Variants in CACNG2 observed in about 807,000 individuals in gnomAD.
CACNG2 encodes voltage-dependent calcium channel gamma-2 subunit.
Under a neutral mutation model 25.9 loss-of-function variants are expected in CACNG2, and 3 were observed. The ratio of observed to expected loss-of-function variants is 0.12; its 90% CI spans 0.05 to 0.30. The LOEUF is 0.30. CACNG2 is among the 10% of genes least tolerant of loss of function. The pLI, the probability that CACNG2 is intolerant of heterozygous loss-of-function variation, is 1.00. For missense variants in CACNG2, 341 were observed against 432.5 expected, an observed-to-expected ratio of 0.79 and a Z score of 1.88; for synonymous variants, 167 against 173.3, an observed-to-expected ratio of 0.96 and a Z score of 0.29.
At chr22:36,685,121 G>T (rs1937178364) in intron 1 of CACNG2, among the ~76,000 whole-genome samples, 1 of 152,190 alleles carries the variant, frequency 6.6e-6, no homozygotes, top group Non-Finnish European at 1.5e-5. Context: ...GTTTCTCTGT[G>T]TTCTCTGTGT....
intron 1 of CACNG2, among the ~76,000 whole-genome samples, chr22:36,690,399 A>G (rs529811133): frequency 6.6e-6 from 1 of 152,256 alleles, no homozygotes; most frequent in Non-Finnish European, 1.5e-5. Context: ...TTTTTATGGG[A>G]AAGTTTTCAA....
At chr22:36,647,951 A>G (rs913381164) in intron 1 of CACNG2, among the ~76,000 whole-genome samples, 2 of 152,066 alleles carry the variant, frequency 1.3e-5, no homozygotes, top group Admixed American at 6.5e-5. Context: ...CTTTCTCTCT[A>G]CTCTTTCCTC....
chr22:36,662,048 C>T (rs1277157178), intron 1 of CACNG2, among the ~76,000 whole-genome samples: 2 of 131,512 alleles, frequency 1.5e-5, no homozygotes, highest in African/African-American at 2.7e-5. Context: ...GGCATGATCT[C>T]AGCTCACTGC....
At chr22:36,694,947 G>A (rs988055498) in intron 1 of CACNG2, among the ~76,000 whole-genome samples, 1 of 152,154 alleles carries the variant, frequency 6.6e-6, no homozygotes, top group Non-Finnish European at 1.5e-5. Context: ...CAGGCACAGA[G>A]GCTCACTCCT....
At chr22:36,653,436 G>A (rs1350448484) in intron 1 of CACNG2, among the ~76,000 whole-genome samples, 2 of 152,326 alleles carry the variant, frequency 1.3e-5, no homozygotes, top group African/African-American at 4.8e-5. Context: ...ACGATTTAGC[G>A]ACCTTAGTTC....
rs751653088 is a variant in CACNG2 at position 36,652,961 on chromosome 22, G to A, written c.211+49405C>T. On this transcript the variant is annotated intron_variant, in intron 1 of 3. Coordinates refer to ENST00000300105, the MANE Select transcript of CACNG2 (RefSeq NM_006078.5). ...ACAGTCCCCATGCTGGAGTCCCCCC[G>A]GGCTGTAGGCAAAGACAGAGATGTG... Among the ~76,000 whole-genome samples the A allele has an allele frequency of 5.3e-5, 8 of 152,084 alleles. No homozygotes were observed. In the East Asian group the frequency reaches 7.7e-4, roughly 15 times the overall value.
At chr22:36,666,961 C>G (rs1477787322) in intron 1 of CACNG2, among the ~76,000 whole-genome samples, 2 of 152,118 alleles carry the variant, frequency 1.3e-5, no homozygotes, top group East Asian at 3.9e-4. Context: ...CCCGCCACCC[C>G]ACTTGACTCA....
At chr22:36,679,230 C>CTTTATTT (rs1569049913) in intron 1 of CACNG2, among the ~76,000 whole-genome samples, 3 of 135,120 alleles carry the variant, frequency 2.2e-5, no homozygotes, top group African/African-American at 8.8e-5. Context: ...TTCTTTCTTT[C>CTTTATTT]CTTCTTTCTT....
chr22:36,571,030 T>G (rs1017580596), intron 2 of CACNG2, among the ~76,000 whole-genome samples: 1 of 152,196 alleles, frequency 6.6e-6, no homozygotes, highest in Non-Finnish European at 1.5e-5. Context: ...GCAAGGGTCA[T>G]TACTGCTCTG....
chr22:36,575,868 G>T (rs1935304223), intron 2 of CACNG2, among the ~76,000 whole-genome samples: 1 of 152,098 alleles, frequency 6.6e-6, no homozygotes, highest in African/African-American at 2.4e-5. Flanking sequence ...ATCCCATCTG[G>T]GATTTGACTC....
intron 1 of CACNG2, among the ~76,000 whole-genome samples, chr22:36,665,378 G>GT (rs1214706161): frequency 6.6e-6 from 1 of 152,202 alleles, no homozygotes; most frequent in Non-Finnish European, 1.5e-5. Flanking sequence ...GACTCATAGG[G>GT]TTGTCACGAG....
chr22:36,598,812 G>T (rs1434975752), intron 1 of CACNG2, among the ~76,000 whole-genome samples: 2 of 150,880 alleles, frequency 1.3e-5, no homozygotes, highest in Non-Finnish European at 3.0e-5. Context: ...AACCCTGTCT[G>T]TACCCAAAAT....
intron 3 of CACNG2, 107 bp downstream of exon 3, chr22:36,566,246 G>A: frequency 8.4e-7 from 1 of 1,185,774 alleles, no homozygotes; most frequent in South Asian, 1.2e-5. Context: ...AAGTCTTGGA[G>A]ATTTCCTCTC....
intron 1 of CACNG2, among the ~76,000 whole-genome samples, chr22:36,624,751 C>T (rs891367816): frequency 8.6e-5 from 13 of 151,986 alleles, no homozygotes; most frequent in East Asian, 1.9e-4. Flanking sequence ...CAGATTAGGC[C>T]GGGCCCGGTG....
intron 1 of CACNG2, among the ~76,000 whole-genome samples, chr22:36,649,855 A>G (rs1936581047): frequency 6.6e-6 from 1 of 152,212 alleles, no homozygotes; most frequent in Admixed American, 6.5e-5. Context: ...GTCTTCCACC[A>G]TGATTGTAAG....
At chr22:36,631,073 C>T (rs1936262067) in intron 1 of CACNG2, among the ~76,000 whole-genome samples, 1 of 152,156 alleles carries the variant, frequency 6.6e-6, no homozygotes, top group African/African-American at 2.4e-5. Flanking sequence ...TCGTGATCCA[C>T]CCGCCTCGGC....
intron 1 of CACNG2, among the ~76,000 whole-genome samples, chr22:36,661,931 T>C (rs1345442023): frequency 6.7e-6 from 1 of 148,624 alleles, no homozygotes; most frequent in African/African-American, 2.5e-5. Flanking sequence ...GGTGTGTTGA[T>C]AACAGGTTCT....
chr22:36,686,145 G>T (rs1336470862), intron 1 of CACNG2, among the ~76,000 whole-genome samples: 1 of 152,196 alleles, frequency 6.6e-6, no homozygotes, highest in South Asian at 2.1e-4. Context: ...TGGCTTTGAG[G>T]CTGGCAGGAG....
Position 36,703,029 on chromosome 22 carries a change from AC to A in CACNG2, c.-454del, listed in dbSNP as rs1257918367. ...ACCATTTCTCATGGTCGGGACCTAG[AC>A]AGTTAGAGACTGTGAGAGCCGAGAT... On this transcript the variant is annotated 5_prime_UTR_variant, in exon 1 of 4. The change creates a premature stop within an existing upstream ORF in the 5' untranslated region. Transcript: ENST00000300105. 6.2e-6 allele frequency: 1 copy of A among 161,404 alleles called. No individual in the cohort carries two copies. Among genetic ancestry groups the A allele is most frequent in the Non-Finnish European group, 1.3e-5 (1 of 74,592 alleles). 10.0% of individuals were successfully genotyped at this position (161,404 alleles called of 1,614,324 possible). A position where few individuals can be genotyped will look rare whatever the true frequency, so the allele number is the denominator to read the frequency against.
Sources: allele counts gnomAD v4.1 joint callset (sites outside exome capture counted in the v4.1 genomes callset), GRCh38; gene constraint gnomAD v4.1.1; transcripts MANE v1.5; gene names NCBI Gene and HGNC (gene_info 2026-07-23, HGNC 2026-07-21).